The following EIF3I variants were observed in gnomAD, a reference collection of about 807,000 sequenced individuals.
The protein encoded by EIF3I is eukaryotic translation initiation factor 3 subunit I.
A neutral mutation model predicts 43.3 loss-of-function variants in EIF3I; 20 were observed. The ratio of observed to expected loss-of-function variants is 0.46; its 90% CI spans 0.32 to 0.67. The LOEUF (loss-of-function observed/expected upper bound fraction) is 0.67, where lower values mean the gene tolerates loss of function less well. EIF3I is among the 30% of genes least tolerant of loss of function. The pLI, the probability that EIF3I is intolerant of heterozygous loss-of-function variation, is 0.03. For missense variants in EIF3I, 279 were observed against 421.4 expected (o/e 0.66, Z 2.96); for synonymous variants, 167 against 151.7 (o/e 1.10, Z -0.74).
At chr1:32,229,337 T>C in intron 9 of EIF3I, 129 bp downstream of exon 9, 1 of 904,762 alleles carries the variant, frequency 1.1e-6, no homozygotes, top group Non-Finnish European at 1.6e-6. Flanking sequence ...CTCTGCTCAC[T>C]GCAAGCTCTG....
chr1:32,230,883 GGAA>G (rs1639224746), intron 10 of EIF3I, 41 bp from the exon 10 acceptor site: 1 of 1,467,964 alleles, frequency 6.8e-7, no homozygotes, highest in Non-Finnish European at 9.3e-7. Flanking sequence ...AAAGTGTTTT[GGAA>G]GAAGATAGAA....
At chr1:32,226,264 A>G in exon 5 of EIF3I, 1 of 1,614,156 alleles carries the variant, frequency 6.2e-7, no homozygotes, top group Non-Finnish European at 8.5e-7. Context: ...ACGGACAAGC[A>G]GATGGGCTAC....
At chr1:32,226,371 G>T (rs754027887) in intron 5 of EIF3I, 32 bp from the exon 6 acceptor site, 1 of 1,612,672 alleles carries the variant, frequency 6.2e-7, no homozygotes, top group Non-Finnish European at 8.5e-7. Flanking sequence ...CAGTTCTAGA[G>T]CCCAGGGCCT....
chr1:32,223,911 C>G, intron 2 of EIF3I, 123 bp from the exon 3 acceptor site: 1 of 824,768 alleles, frequency 1.2e-6, no homozygotes, highest in Non-Finnish European at 2.0e-6. Flanking sequence ...CTGCTGTTTC[C>G]CAAGAAATAA....
chr1:32,232,355 TA>T (rs1639249738), downstream of EIF3I, among the ~76,000 whole-genome samples: 1 of 152,210 alleles, frequency 6.6e-6, no homozygotes. Context: ...GGCACTAGAA[TA>T]AAAGGGGAAC....
chr1:32,228,893 C>A, intron 8 of EIF3I, 77 bp downstream of exon 8: 1 of 1,301,502 alleles, frequency 7.7e-7, no homozygotes, highest in Non-Finnish European at 1.1e-6. Flanking sequence ...AGAAGTTGGG[C>A]TACAACATTG....
exon 3 of EIF3I, chr1:32,224,051 C>T (rs1420815531): frequency 2.5e-6 from 4 of 1,614,104 alleles, no homozygotes; most frequent in Admixed American, 1.7e-5. Flanking sequence ...ATGTATGGTA[C>T]TCTGTGAATG....
downstream of EIF3I, among the ~76,000 whole-genome samples, chr1:32,235,609 G>A (rs1460727424): frequency 1.2e-4 from 18 of 152,238 alleles, no homozygotes; most frequent in South Asian, 4.1e-4. Context: ...ATGAGCCACC[G>A]CGCCCAGCCT....
At chr1:32,225,285 C>G (rs533181243) in intron 4 of EIF3I, among the ~76,000 whole-genome samples, 1 of 152,276 alleles carries the variant, frequency 6.6e-6, no homozygotes, top group South Asian at 2.1e-4. Flanking sequence ...CTAAGCTGTT[C>G]TGTTTAGTGC....
chr1:32,224,207 TGTTGA>T, intron 3 of EIF3I, 86 bp downstream of exon 3: 1 of 1,370,158 alleles, frequency 7.3e-7, no homozygotes, highest in Admixed American at 1.7e-5. Flanking sequence ...TTGGGGGTGC[TGTTGA>T]GGGCCTAGAG....
downstream of EIF3I, among the ~76,000 whole-genome samples, chr1:32,232,397 A>G (rs1173291623): frequency 6.6e-6 from 1 of 152,344 alleles, no homozygotes; most frequent in Non-Finnish European, 1.5e-5. Context: ...AAGGAGTTCT[A>G]TTTAAAGGGA....
chr1:32,224,524 G>A lies in EIF3I; in HGVS notation c.250+49G>A, dbSNP rs1166177105. 3 of 1,432,238 alleles carry A rather than the reference G, an allele frequency of 2.1e-6. No individual in the cohort carries two copies. The South Asian group carries it at 3.5e-5, about 16-fold the overall frequency. The allele number at this position is 1,432,238 out of a possible 1,614,324, so 88.7% of individuals were successfully genotyped here. ...TTAGCAAATATTGAGGACCTACAGTGTACCTGTTTGAGTAAACAGGTCCTA... is the reference window on the plus strand; with the variant it reads ...TTAGCAAATATTGAGGACCTACAGTATACCTGTTTGAGTAAACAGGTCCTA... On this transcript the variant is annotated intron_variant, in intron 4 of 11. Coordinates refer to ENST00000676679, the Ensembl canonical transcript of EIF3I.
downstream of EIF3I, among the ~76,000 whole-genome samples, chr1:32,233,119 A>C (rs1418659026): frequency 6.6e-6 from 1 of 152,164 alleles, no homozygotes; most frequent in Non-Finnish European, 1.5e-5. Flanking sequence ...TTAGCTTCCC[A>C]AGTGGCTGGG....
chr1:32,230,790 C>A, intron 10 of EIF3I, 137 bp from the exon 10 acceptor site: 1 of 659,686 alleles, frequency 1.5e-6, no homozygotes, highest in Non-Finnish European at 2.5e-6. Flanking sequence ...CGCCACTGTA[C>A]TCCACCCTGG....
intron 4 of EIF3I, among the ~76,000 whole-genome samples, chr1:32,225,060 C>T (rs1639121835): frequency 6.6e-6 from 1 of 152,176 alleles, no homozygotes; most frequent in African/African-American, 2.4e-5. Context: ...TCTCAAACTC[C>T]AGACCTCAGG....
chr1:32,224,791 CA>C (rs1413089609), intron 4 of EIF3I, among the ~76,000 whole-genome samples: 10 of 151,854 alleles, frequency 6.6e-5, no homozygotes, highest in Non-Finnish European at 1.5e-4. Flanking sequence ...CTGTCTCAGC[CA>C]GCCCCAGTAG....
chr1:32,228,547 G>A (rs971919761), exon 7 of EIF3I: 3 of 1,614,152 alleles, frequency 1.9e-6, no homozygotes, highest in Non-Finnish European at 2.5e-6. Context: ...GCAGATCAAC[G>A]ACATCCAGTT....
intron 6 of EIF3I, 139 bp from the exon 7 acceptor site, chr1:32,228,360 G>A: frequency 1.5e-6 from 1 of 668,200 alleles, no homozygotes; most frequent in Non-Finnish European, 2.7e-6. Flanking sequence ...GGATATTTAG[G>A]GGTGACTGAT....
rs1450316990 is a variant in EIF3I, at chr1:32,228,846, A to G, written c.729+30A>G. The stretch of plus-strand genomic sequence containing the variant: ...GAGAACCCCACCTGCCTTCCTGCTG[A>G]AGCCTCAGGAAGCTTCCAAGTTCTA... On this transcript the variant is annotated intron_variant, in intron 8 of 11. Coordinates refer to ENST00000676679, the Ensembl canonical transcript of EIF3I. The G allele has an allele frequency of 7.8e-6, 12 of 1,542,410 alleles. No homozygotes were observed. In the Admixed American group the frequency reaches 1.9e-4, roughly 25 times the overall value.
Sources: gnomAD v4.1 joint callset for allele counts (sites outside exome capture counted in the v4.1 genomes callset) on GRCh38, gnomAD v4.1.1 for gene constraint, MANE v1.5 for transcripts, NCBI Gene and HGNC (gene_info 2026-07-23, HGNC 2026-07-21) for gene names.